Variants in LIPA observed in about 807,000 individuals in gnomAD.
LIPA encodes the protein lipase A, lysosomal acid type, also known as lysosomal acid lipase/cholesteryl ester hydrolase.
In LIPA, 26 loss-of-function variants were observed where a neutral mutation model predicts 40.6. That is an observed-to-expected ratio of 0.64 (90% CI 0.47 to 0.89). The LOEUF (loss-of-function observed/expected upper bound fraction) is 0.89, where lower values mean the gene tolerates loss of function less well. Among genes scored for constraint, LIPA ranks in the 40% least tolerant of loss-of-function variants. The probability of loss-of-function intolerance (pLI) is 0.00; values close to 1 mark genes in which losing one functional copy is unlikely to be tolerated. For missense variants in LIPA, 455 were observed against 479.6 expected (o/e 0.95, Z 0.48); for synonymous variants, 188 against 168.4 (o/e 1.12, Z -0.90).
rs528757254 is a variant in LIPA at position 89,288,303 on chromosome 10, T to A, written c.-1-40654A>T. Among the ~76,000 whole-genome samples the A allele has an allele frequency of 9.2e-5, 14 of 152,284 alleles. No individual in the cohort carries two copies. In the South Asian group the frequency reaches 1.0e-3, roughly 11 times the overall value. ...TTTTACCATCCTGACTAAACCATTA[T>A]GTAAACTGACAAAAGCAAACCTAGC... On this transcript the variant is annotated intron_variant, in intron 1 of 5. Transcript: ENST00000282673.
chr10:89,286,186 G>A (rs1245766534), intron 1 of LIPA, among the ~76,000 whole-genome samples: 10 of 151,900 alleles, frequency 6.6e-5, no homozygotes, highest in East Asian at 1.9e-4. Context: ...TCGGTCCCTC[G>A]TCCCTCCCTA....
intron 8 of LIPA, among the ~76,000 whole-genome samples, chr10:89,221,829 A>T (rs1005169747): frequency 6.6e-6 from 1 of 152,232 alleles, no homozygotes; most frequent in African/African-American, 2.4e-5. Context: ...AGAGGTATAG[A>T]ATAGAATGCA....
chr10:89,221,116 T>C (rs1422941906), intron 8 of LIPA, among the ~76,000 whole-genome samples: 1 of 152,100 alleles, frequency 6.6e-6, no homozygotes, highest in Non-Finnish European at 1.5e-5. Context: ...GATGATATAT[T>C]TGCTGTGTCG....
In LIPA at chr10:89,389,131, T is replaced by C. The variant is rs76705498; in HGVS notation, c.61+23660A>G. The stretch of plus-strand genomic sequence containing the variant: ...GTGATTGAATACATTCAAAAGAGTA[T>C]ATAACATGTAATTAGCAGAGATATT... On this transcript the variant is annotated intron_variant, in intron 2 of 8. Coordinates refer to the LIPA transcript ENST00000371837. 7.5e-3 allele frequency among the ~76,000 whole-genome samples: 1,142 copies of C among 152,340 alleles called. 30 individuals are homozygous for C. In the East Asian group the frequency reaches 0.091, roughly 12 times the overall value.
intron 1 of LIPA, among the ~76,000 whole-genome samples, chr10:89,262,536 G>C (rs763484626): frequency 8.5e-5 from 13 of 152,170 alleles, no homozygotes; most frequent in Non-Finnish European, 1.6e-4. Flanking sequence ...AGCAAACCTT[G>C]ACATTTTTAT....
chr10:89,356,479 A>G (rs1420075901), intron 2 of LIPA, among the ~76,000 whole-genome samples: 1 of 152,154 alleles, frequency 6.6e-6, no homozygotes, highest in Non-Finnish European at 1.5e-5. Flanking sequence ...TTACTGTCTG[A>G]GTTCCGCCTC....
upstream of LIPA, among the ~76,000 whole-genome samples, chr10:89,256,337 A>T (rs1327238743): frequency 6.6e-6 from 1 of 152,266 alleles, no homozygotes; most frequent in Non-Finnish European, 1.5e-5. Flanking sequence ...TCAGATTAGA[A>T]ACAGTATTTA....
chr10:89,354,199 T>C (rs1843977228), intron 2 of LIPA, among the ~76,000 whole-genome samples: 1 of 152,206 alleles, frequency 6.6e-6, no homozygotes, highest in African/African-American at 2.4e-5. Context: ...AGTGAAAGGC[T>C]GATCAAAGAT....
At chr10:89,357,926 C>T (rs1843996847) in intron 2 of LIPA, among the ~76,000 whole-genome samples, 1 of 152,064 alleles carries the variant, frequency 6.6e-6, no homozygotes, top group Non-Finnish European at 1.5e-5. Flanking sequence ...TCCTCTTTTC[C>T]TGTTTGGTTT....
intron 1 of LIPA, among the ~76,000 whole-genome samples, chr10:89,249,141 T>C (rs1363054638): frequency 6.6e-6 from 1 of 152,094 alleles, no homozygotes; most frequent in African/African-American, 2.4e-5. Flanking sequence ...TTGTCATTCA[T>C]GGGAAAAAAG....
chr10:89,284,791 A>G (rs547747778), intron 1 of LIPA, among the ~76,000 whole-genome samples: 1 of 152,278 alleles, frequency 6.6e-6, no homozygotes, highest in Admixed American at 6.5e-5. Flanking sequence ...GGATGACCTG[A>G]AGTAACTGAA....
chr10:89,232,019 G>A (rs1842848588), intron 3 of LIPA, among the ~76,000 whole-genome samples: 1 of 152,180 alleles, frequency 6.6e-6, no homozygotes, highest in Non-Finnish European at 1.5e-5. Context: ...CAATGAAGAG[G>A]ATGATAATCC....
Position 89,316,167 on chromosome 10 carries a change from T to C in LIPA, c.-2+26444A>G, listed in dbSNP as rs186538600. Among the ~76,000 whole-genome samples, 76 of 152,142 alleles carry C rather than the reference T, an allele frequency of 5.0e-4. 1 individual carries two copies. In the East Asian group the frequency reaches 0.014, roughly 28 times the overall value. ...CTCCCAGCATGAGTGATGCAGAAGA[T>C]GGTAGTTTCTGCATTTCCAACTGAG... On this transcript the variant is annotated intron_variant, in intron 1 of 5. Coordinates refer to the LIPA transcript ENST00000282673.
At chr10:89,343,424 C>T (rs1343092872), upstream of LIPA, among the ~76,000 whole-genome samples, 1 of 152,058 alleles carries the variant, frequency 6.6e-6, no homozygotes, top group Non-Finnish European at 1.5e-5. Context: ...GAGTGACCTT[C>T]CTAAGTTTTA....
intron 2 of LIPA, among the ~76,000 whole-genome samples, chr10:89,373,334 C>CAAAAAAAAAAAAAAAAAAAAAAAAAAAAA (rs34479360): frequency 4.7e-5 from 3 of 63,164 alleles, no homozygotes; most frequent in African/African-American, 1.8e-4. Flanking sequence ...GACTCCCTCT[C>CAAAAAAAAAAAAAAAAAAAAAAAAAAAAA]AAAAAAAAAA....
intron 3 of LIPA, among the ~76,000 whole-genome samples, chr10:89,231,039 T>A (rs901836154): frequency 4.6e-5 from 7 of 152,174 alleles, no homozygotes; most frequent in Non-Finnish European, 1.0e-4. Flanking sequence ...GAAATCCACT[T>A]GGTATAATAA....
intron 2 of LIPA, chr10:89,383,250 G>T (rs1844176489): frequency 7.3e-7 from 1 of 1,364,032 alleles, no homozygotes; most frequent in Non-Finnish European, 1.0e-6. Flanking sequence ...ACTATTTGAA[G>T]TGCTGGCTTC....
At chr10:89,245,340 T>C (rs1415616072) in intron 3 of LIPA, among the ~76,000 whole-genome samples, 2 of 152,152 alleles carry the variant, frequency 1.3e-5, no homozygotes, top group East Asian at 1.9e-4. Flanking sequence ...ATTTTTAGAT[T>C]ATGTGAATTC....
chr10:89,305,846 GT>G, intron 1 of LIPA: 1 of 722,464 alleles, frequency 1.4e-6, no homozygotes, highest in Non-Finnish European at 2.4e-6. Flanking sequence ...AAGAAGGGGA[GT>G]TTCTTTGATT....
Sources: allele counts gnomAD v4.1 joint callset (sites outside exome capture counted in the v4.1 genomes callset), GRCh38; gene constraint gnomAD v4.1.1; transcripts MANE v1.5; gene names NCBI Gene and HGNC (gene_info 2026-07-23, HGNC 2026-07-21).